The following PJA2 variants were observed in gnomAD, a reference collection of about 807,000 sequenced individuals.
The protein encoded by PJA2 is E3 ubiquitin-protein ligase Praja-2.
In PJA2, 25 loss-of-function variants were observed where a neutral mutation model predicts 69.3. That is an observed-to-expected ratio of 0.36 (90% CI 0.26 to 0.50). The LOEUF is 0.50. Among genes scored for constraint, PJA2 ranks in the 20% least tolerant of loss-of-function variants. The probability of loss-of-function intolerance (pLI) is 0.96; values close to 1 mark genes in which losing one functional copy is unlikely to be tolerated. For missense variants in PJA2, 809 were observed against 830.2 expected (o/e 0.97, Z 0.31); for synonymous variants, 308 against 277.8 (o/e 1.11, Z -1.08).
intron 1 of PJA2, among the ~76,000 whole-genome samples, chr5:109,405,982 C>G (rs1271892462): frequency 6.7e-6 from 1 of 148,452 alleles, no homozygotes; most frequent in African/African-American, 2.5e-5. Flanking sequence ...CTCTGTGTGT[C>G]AAATGAGTTG....
chr5:109,362,139 TGC>T (rs1762516061), intron 6 of PJA2, among the ~76,000 whole-genome samples: 1 of 152,236 alleles, frequency 6.6e-6, no homozygotes, highest in South Asian at 2.1e-4. Flanking sequence ...ATATCTTTTT[TGC>T]CCCAGAAAAA....
chr5:109,351,127 A>C (rs957105423), intron 7 of PJA2, among the ~76,000 whole-genome samples: 3 of 151,938 alleles, frequency 2.0e-5, no homozygotes, highest in African/African-American at 7.2e-5. Context: ...AAAAAAAAAA[A>C]AAAAACGGAA....
rs768912793 is a variant in PJA2 at position 109,344,661 on chromosome 5, T to A, written c.1879+44A>T. ...TAGGTATATTGATAATATACTTAAA[T>A]GTACAATGTGTTCTTCAACATTTGA... On this transcript the variant is annotated intron_variant, in intron 8 of 9. Coordinates refer to ENST00000361189, the MANE Select transcript of PJA2 (RefSeq NM_014819.5). The A allele has an allele frequency of 3.1e-6, 4 of 1,270,908 alleles. No individual in the cohort carries two copies. In the South Asian group the frequency reaches 5.2e-5, roughly 17 times the overall value. 78.7% of individuals were successfully genotyped at this position (1,270,908 alleles called of 1,614,324 possible).
intron 1 of PJA2, among the ~76,000 whole-genome samples, chr5:109,385,930 C>T (rs1747145845): frequency 1.3e-5 from 2 of 152,068 alleles, no homozygotes; most frequent in Non-Finnish European, 2.9e-5. Flanking sequence ...TTATACAATA[C>T]TTTTAATAAT....
chr5:109,389,665 T>C lies in PJA2; in HGVS notation c.-87-6145A>G, dbSNP rs1342998485. ...TTTCTACTTCCTTGGGTTTAATTCA[T>C]TGCTCCCTTGAGATAGGAGCTTAGA... On this transcript the variant is annotated intron_variant, in intron 1 of 9. Transcript: ENST00000361189. 2.0e-5 allele frequency among the ~76,000 whole-genome samples: 3 copies of C among 152,144 alleles called. No homozygotes were observed. The South Asian group carries it at 6.2e-4, about 32-fold the overall frequency.
Position 109,380,126 on chromosome 5 carries a change from C to A in PJA2, c.233-872G>T, listed in dbSNP as rs372363104. ...TTTTTTTTTTTGAGACGGAGTCTTG[C>A]TCTGTGGCCCAGGCTGGAGTGCAGT... On this transcript the variant is annotated intron_variant, in intron 3 of 9. Coordinates refer to ENST00000361189, the MANE Select transcript of PJA2 (RefSeq NM_014819.5). Among the ~76,000 whole-genome samples the A allele has an allele frequency of 2.7e-5, 3 of 110,874 alleles. No individual in the cohort carries two copies. In the South Asian group the frequency reaches 9.0e-4, roughly 33 times the overall value. 72.7% of individuals were successfully genotyped at this position (110,874 alleles called of 152,430 possible).
rs529657098 is a variant in PJA2, at chr5:109,377,715, C to T, written c.1283+489G>A. 2.6e-5 allele frequency among the ~76,000 whole-genome samples: 4 copies of T among 151,722 alleles called. No homozygotes were observed. In the South Asian group the frequency reaches 8.3e-4, roughly 32 times the overall value. On this transcript the variant is annotated intron_variant, in intron 4 of 9. Transcript: ENST00000361189. ...CAGAGTTGTTAATGAGAATTGAATG[C>T]TAAGAAAAAATAAGTAAAAAATAAA... is the stretch of plus-strand genomic sequence containing the variant.
intron 1 of PJA2, among the ~76,000 whole-genome samples, chr5:109,408,320 AATC>A (rs1163139825): frequency 6.6e-5 from 10 of 152,336 alleles, no homozygotes; most frequent in Non-Finnish European, 1.0e-4. Flanking sequence ...TTTCATTATA[AATC>A]ATCATTTGTA....
At chr5:109,381,438 A>C (rs1747046106) in intron 3 of PJA2, 65 bp downstream of exon 3, 9 of 1,419,168 alleles carry the variant, frequency 6.3e-6, no homozygotes, top group Non-Finnish European at 8.7e-6. Context: ...CCACCCAAAA[A>C]TTTAATTATA....
At chr5:109,397,702 C>T (rs992477354) in intron 1 of PJA2, among the ~76,000 whole-genome samples, 7 of 139,366 alleles carry the variant, frequency 5.0e-5, no homozygotes, top group South Asian at 2.2e-4. Flanking sequence ...TTTTTTTTTT[C>T]TAGTAGAAAC....
intron 4 of PJA2, among the ~76,000 whole-genome samples, chr5:109,374,035 C>G (rs1360542598): frequency 6.6e-6 from 1 of 152,184 alleles, no homozygotes. Flanking sequence ...ATTTTGTTAT[C>G]TGACATAATC....
At chr5:109,396,296 T>C (rs1331378241) in intron 1 of PJA2, among the ~76,000 whole-genome samples, 1 of 151,942 alleles carries the variant, frequency 6.6e-6, no homozygotes, top group African/African-American at 2.4e-5. Flanking sequence ...AAATGGAAAA[T>C]AATTTACTAA....
chr5:109,337,411 G>A, intron 9 of PJA2, 55 bp from the exon 10 acceptor site: 1 of 1,507,794 alleles, frequency 6.6e-7, no homozygotes, highest in Non-Finnish European at 8.9e-7. Context: ...TGCCACACAA[G>A]TAACTTAATA....
intron 1 of PJA2, among the ~76,000 whole-genome samples, chr5:109,401,631 A>AAAT (rs1747553912): frequency 6.6e-6 from 1 of 152,246 alleles, no homozygotes; most frequent in Non-Finnish European, 1.5e-5. Flanking sequence ...TGTGAACAAT[A>AAAT]AATTTATATC....
chr5:109,361,998 CAGGAGAT>C (rs1762513504), intron 6 of PJA2, among the ~76,000 whole-genome samples: 1 of 152,164 alleles, frequency 6.6e-6, no homozygotes, highest in Non-Finnish European at 1.5e-5. Context: ...GAAGAGATAT[CAGGAGAT>C]ATAAATGAGT....
chr5:109,340,925 G>A (rs1393840127), intron 9 of PJA2, among the ~76,000 whole-genome samples: 122 of 118,680 alleles, frequency 1.0e-3, no homozygotes, highest in Non-Finnish European at 2.0e-3. Context: ...TGCAGACGGA[G>A]TCTCGTTCAC....
intron 7 of PJA2, among the ~76,000 whole-genome samples, chr5:109,350,553 G>A (rs1762233641): frequency 6.6e-6 from 1 of 152,104 alleles, no homozygotes; most frequent in Non-Finnish European, 1.5e-5. Context: ...GTTGACTATT[G>A]ATTTGAATAA....
chr5:109,379,346 T>C (rs1746985094), intron 3 of PJA2, 92 bp from the exon 4 acceptor site: 3 of 874,814 alleles, frequency 3.4e-6, no homozygotes, highest in African/African-American at 1.7e-5. Flanking sequence ...ATCATACCAA[T>C]TATTACTACT....
At chr5:109,388,350 C>T (rs886786747) in intron 1 of PJA2, among the ~76,000 whole-genome samples, 6 of 152,138 alleles carry the variant, frequency 3.9e-5, no homozygotes, top group Non-Finnish European at 8.8e-5. Context: ...GCAGTCCCAG[C>T]CTACATTTGA....
Sources: gnomAD v4.1 joint callset for allele counts (sites outside exome capture counted in the v4.1 genomes callset) on GRCh38, gnomAD v4.1.1 for gene constraint, MANE v1.5 for transcripts, NCBI Gene and HGNC (gene_info 2026-07-23, HGNC 2026-07-21) for gene names.